Variants in LOXL2 observed in about 807,000 individuals in gnomAD.
LOXL2 encodes the protein lysyl oxidase homolog 2.
In LOXL2, 70 loss-of-function variants were observed where a neutral mutation model predicts 93.0. The observed-to-expected ratio is 0.75, with a 90% confidence interval of 0.62 to 0.92. LOXL2 has a LOEUF of 0.92. Among genes scored for constraint, LOXL2 ranks in the 40% least tolerant of loss-of-function variants. The probability of loss-of-function intolerance (pLI) is 0.00; values close to 1 mark genes in which losing one functional copy is unlikely to be tolerated. For missense variants in LOXL2, 973 were observed against 1,054.9 expected, an observed-to-expected ratio of 0.92 and a Z score of 1.08; for synonymous variants, 438 against 413.2, an observed-to-expected ratio of 1.06 and a Z score of -0.73.
chr8:23,326,613 G>A (rs1803580983), intron 6 of LOXL2, among the ~76,000 whole-genome samples: 2 of 152,156 alleles, frequency 1.3e-5, no homozygotes, highest in Non-Finnish European at 2.9e-5. Context: ...AATTAGCTGG[G>A]TGTGGTGGTG....
chr8:23,332,177 C>T (rs1803692648), intron 5 of LOXL2, among the ~76,000 whole-genome samples: 1 of 149,538 alleles, frequency 6.7e-6, no homozygotes, highest in South Asian at 2.1e-4. Flanking sequence ...CACACTCTCT[C>T]ACACACACAC....
intron 8 of LOXL2, among the ~76,000 whole-genome samples, chr8:23,318,188 ACC>A (rs755604338): frequency 0.18 from 19,447 of 107,844 alleles, 2,017 homozygotes; most frequent in African/African-American, 0.33. Context: ...AAAAAAAAAA[ACC>A]CAAAAAACCT....
chr8:23,334,133 G>C (rs4382484), intron 4 of LOXL2, among the ~76,000 whole-genome samples: 71,458 of 151,978 alleles, frequency 0.47, 17,844 homozygotes, highest in Non-Finnish European at 0.57. Context: ...CTGCCTCCCA[G>C]ATTCAAGCAA....
intron 3 of LOXL2, among the ~76,000 whole-genome samples, chr8:23,354,832 T>C (rs1166080105): frequency 6.6e-6 from 1 of 151,452 alleles, no homozygotes; most frequent in Non-Finnish European, 1.5e-5. Flanking sequence ...GACAAGGAGC[T>C]CACCACTAAC....
chr8:23,325,080 TGA>T (rs1432889756), intron 6 of LOXL2, among the ~76,000 whole-genome samples: 1 of 152,174 alleles, frequency 6.6e-6, no homozygotes, highest in Non-Finnish European at 1.5e-5. Context: ...GCAGACAAAC[TGA>T]GAGGTCTGTT....
rs3824214 is a variant in LOXL2 at position 23,305,682 on chromosome 8, A to G, written c.1881-2285T>C. Among the ~76,000 whole-genome samples, 1,374 of 152,258 alleles carry G rather than the reference A, an allele frequency of 9.0e-3. 75 individuals carry two copies. In the East Asian group the frequency reaches 0.16, roughly 17 times the overall value. ...TGGATCCCTGGGGTAGAGTTAGGGAAGCATGGACTTGGAAGGAAAATCCAG... is the reference window on the plus strand; with the variant it reads ...TGGATCCCTGGGGTAGAGTTAGGGAGGCATGGACTTGGAAGGAAAATCCAG... On this transcript the variant is annotated intron_variant, in intron 10 of 13. Transcript: ENST00000389131.
Position 23,319,884 on chromosome 8 carries a change from C to T in LOXL2, c.1470+1G>A, listed in dbSNP as rs1210253678. 1.9e-6 allele frequency: 3 copies of T among 1,613,002 alleles called. No homozygotes were observed. Among genetic ancestry groups the T allele is most frequent in the East Asian group, 2.2e-5 (1 of 44,872 alleles). ...CGGGGTCTGAGGCCGGGGCTTCTCACCTGGAAGGCGTTGCTGGCGAATCCC... is the reference window on the plus strand; with the variant it reads ...CGGGGTCTGAGGCCGGGGCTTCTCATCTGGAAGGCGTTGCTGGCGAATCCC... On this transcript the variant is annotated splice_donor_variant, in intron 8 of 13. Transcript: ENST00000389131. LOFTEE classifies it high-confidence loss of function.
At chr8:23,366,722 A>G (rs1424618599) in intron 2 of LOXL2, among the ~76,000 whole-genome samples, 1 of 152,102 alleles carries the variant, frequency 6.6e-6, no homozygotes, top group African/African-American at 2.4e-5. Context: ...ACTTGTGCTG[A>G]GGTCTGGGCT....
At chr8:23,385,290 A>G (rs1585381756) in intron 1 of LOXL2, among the ~76,000 whole-genome samples, 1 of 140,570 alleles carries the variant, frequency 7.1e-6, no homozygotes, top group Non-Finnish European at 1.5e-5. Context: ...CCTGTTGCCC[A>G]GGCTGGAGTG....
At chr8:23,340,594 C>A (rs908535637) in intron 4 of LOXL2, among the ~76,000 whole-genome samples, 30 of 152,220 alleles carry the variant, frequency 2.0e-4, no homozygotes, top group African/African-American at 7.0e-4. Context: ...GTAAATATTT[C>A]TTCTTAAGTT....
chr8:23,391,755 TC>T (rs1262789006), intron 1 of LOXL2, among the ~76,000 whole-genome samples: 1 of 152,136 alleles, frequency 6.6e-6, no homozygotes, highest in African/African-American at 2.4e-5. Flanking sequence ...GCATGAAAAT[TC>T]CTGGAGGGGG....
intron 4 of LOXL2, among the ~76,000 whole-genome samples, chr8:23,339,935 G>T (rs1314663641): frequency 6.6e-6 from 1 of 152,230 alleles, no homozygotes; most frequent in Non-Finnish European, 1.5e-5. Context: ...GGATCAGGGA[G>T]GGATATGTGG....
chr8:23,313,511 A>G (rs1410552608), intron 9 of LOXL2, among the ~76,000 whole-genome samples: 10 of 150,418 alleles, frequency 6.6e-5, no homozygotes, highest in Non-Finnish European at 1.2e-4. Context: ...CAACTATCTG[A>G]TCTTTGACAA....
At chr8:23,384,565 A>G (rs936762460) in intron 1 of LOXL2, among the ~76,000 whole-genome samples, 2 of 151,598 alleles carry the variant, frequency 1.3e-5, no homozygotes, top group African/African-American at 4.9e-5. Context: ...TTCATTCCCT[A>G]TCTGAGTCCA....
At chr8:23,378,733 G>A (rs977925223) in intron 1 of LOXL2, among the ~76,000 whole-genome samples, 5 of 152,062 alleles carry the variant, frequency 3.3e-5, no homozygotes, top group South Asian at 2.1e-4. Context: ...TGATCGAAAC[G>A]GCTACTGAAG....
At chr8:23,346,122 T>TAGAATAA (rs1563197391) in intron 3 of LOXL2, among the ~76,000 whole-genome samples, 1 of 45,782 alleles carries the variant, frequency 2.2e-5, no homozygotes, top group East Asian at 3.8e-4. Context: ...AAAATTAAAA[T>TAGAATAA]AAAATAAAAT....
At chr8:23,386,737 T>A (rs377380012) in intron 1 of LOXL2, among the ~76,000 whole-genome samples, 83 of 152,208 alleles carry the variant, frequency 5.5e-4, no homozygotes, top group African/African-American at 1.8e-3. Context: ...TCAGTCCACA[T>A]CATGGAAATT....
At chr8:23,367,618 G>A (rs928158130) in intron 2 of LOXL2, among the ~76,000 whole-genome samples, 1 of 151,790 alleles carries the variant, frequency 6.6e-6, no homozygotes, top group Non-Finnish European at 1.5e-5. Context: ...CTTCCTCTGG[G>A]CTGACGCAGC....
chr8:23,385,239 T>C (rs1020815167), intron 1 of LOXL2, among the ~76,000 whole-genome samples: 24 of 140,664 alleles, frequency 1.7e-4, no homozygotes, highest in African/African-American at 6.4e-4. Flanking sequence ...AGTTGGATTT[T>C]TTTTCTTTTT....
Sources: allele counts gnomAD v4.1 joint callset (sites outside exome capture counted in the v4.1 genomes callset), GRCh38; gene constraint gnomAD v4.1.1; transcripts MANE v1.5; gene names NCBI Gene and HGNC (gene_info 2026-07-23, HGNC 2026-07-21).